Variants in DNAAF9 observed in about 807,000 individuals in gnomAD.
DNAAF9 encodes shulin.
DNAAF9 carries 90 observed loss-of-function variants against 167.0 expected under a neutral mutation model. The ratio of observed to expected loss-of-function variants is 0.54; its 90% CI spans 0.45 to 0.64. The LOEUF is 0.64. Ranked by LOEUF, DNAAF9 falls within the 30% of genes least tolerant of loss-of-function variation. The pLI is 0.00. For synonymous variants in DNAAF9, 491 were observed against 508.8 expected, an observed-to-expected ratio of 0.96 and a Z score of 0.47; for missense variants, 1,315 against 1,442.2, an observed-to-expected ratio of 0.91 and a Z score of 1.43.
At chr20:3,357,758 G>A (rs534414520) in intron 7 of DNAAF9, among the ~76,000 whole-genome samples, 30 of 151,884 alleles carry the variant, frequency 2.0e-4, no homozygotes, top group African/African-American at 6.3e-4. Context: ...GAGCGCAATG[G>A]TACAATCTCG....
At chr20:3,312,576 C>G (rs2123021920) in intron 20 of DNAAF9, among the ~76,000 whole-genome samples, 1 of 152,238 alleles carries the variant, frequency 6.6e-6, no homozygotes, top group Non-Finnish European at 1.5e-5. Flanking sequence ...AGATAAATTT[C>G]AAACTCATCA....
chr20:3,322,147 C>T, intron 16 of DNAAF9, 70 bp downstream of exon 16: 3 of 1,175,638 alleles, frequency 2.6e-6, no homozygotes, highest in Non-Finnish European at 1.3e-6. Flanking sequence ...CACCCACTCC[C>T]ACCTCCCAAC....
intron 25 of DNAAF9, among the ~76,000 whole-genome samples, chr20:3,293,670 A>C (rs76983415): frequency 1.0e-5 from 1 of 97,338 alleles, no homozygotes; most frequent in African/African-American, 4.6e-5. Context: ...GGGTGACAAA[A>C]AAAAAAAAAA....
chr20:3,280,273 T>C (rs149510834), intron 28 of DNAAF9, among the ~76,000 whole-genome samples: 6 of 152,248 alleles, frequency 3.9e-5, no homozygotes, highest in Middle Eastern at 3.4e-3. Flanking sequence ...TTACTTACTT[T>C]AAAGTTTTAC....
At chr20:3,296,213 G>A (rs2069074437) in intron 23 of DNAAF9, 2 of 529,884 alleles carry the variant, frequency 3.8e-6, no homozygotes, top group Non-Finnish European at 7.4e-6. Context: ...AGGCTGCAGT[G>A]AGCCAGGACC....
At chr20:3,252,753 C>T (rs867854636) in intron 36 of DNAAF9, 69 bp from the exon 37 acceptor site, 24 of 934,226 alleles carry the variant, frequency 2.6e-5, no homozygotes, top group South Asian at 1.4e-4. Context: ...CCCAGAGCGG[C>T]CTGTAGGCAG....
intron 33 of DNAAF9, among the ~76,000 whole-genome samples, chr20:3,258,215 A>G (rs1431407355): frequency 6.6e-6 from 1 of 152,046 alleles, no homozygotes; most frequent in Non-Finnish European, 1.5e-5. Flanking sequence ...GTGAGAGGGA[A>G]AAACAAAAGT....
Position 3,294,135 on chromosome 20 carries a change from C to G in DNAAF9, c.2238+4G>C, listed in dbSNP as rs1568584521. Reference sequence around the variant, plus strand: ...TTCCCAGCATATCTGGTGAGCTCCTCTACCTTGTCACTTTCTATTCTGTGA... The same window carrying G: ...TTCCCAGCATATCTGGTGAGCTCCTGTACCTTGTCACTTTCTATTCTGTGA... On this transcript the variant is annotated splice_donor_region_variant and intron_variant, in intron 25 of 36. Transcript: ENST00000252032. The G allele has an allele frequency of 6.6e-7, 1 of 1,513,436 alleles. No individual in the cohort carries two copies. The highest frequency in any genetic ancestry group is 2.2e-5 in the East Asian group (1 of 44,458). The allele number at this position is 1,513,436 out of a possible 1,614,324, so 93.8% of individuals were successfully genotyped here. A position where few individuals can be genotyped will look rare whatever the true frequency, so the allele number is the denominator to read the frequency against.
intron 29 of DNAAF9, among the ~76,000 whole-genome samples, chr20:3,273,140 T>C (rs1030839765): frequency 3.3e-5 from 5 of 152,270 alleles, no homozygotes; most frequent in Admixed American, 6.5e-5. Context: ...GAGAGTAGGT[T>C]TATAAATGAA....
intron 27 of DNAAF9, among the ~76,000 whole-genome samples, chr20:3,283,450 C>T (rs914512682): frequency 6.6e-6 from 1 of 152,262 alleles, no homozygotes; most frequent in South Asian, 2.1e-4. Context: ...AGAGTTCCCC[C>T]AGGGGGGCCT....
chr20:3,364,971 C>A lies in DNAAF9; in HGVS notation c.613-5378G>T, dbSNP rs6037577. Among the ~76,000 whole-genome samples the A allele has an allele frequency of 2.1e-5, 3 of 145,460 alleles. No individual in the cohort carries two copies. The South Asian group carries it at 6.6e-4, about 32-fold the overall frequency. ...TCTTTTTTTTTTTTTTGAAATAGAGCCTCCTTCTGTCACCCAGGCTGGAGT... is the reference window on the plus strand; with the variant it reads ...TCTTTTTTTTTTTTTTGAAATAGAGACTCCTTCTGTCACCCAGGCTGGAGT... On this transcript the variant is annotated intron_variant, in intron 6 of 36. Transcript: ENST00000252032.
At chr20:3,290,037 C>T in intron 26 of DNAAF9, 92 bp downstream of exon 26, 1 of 789,738 alleles carries the variant, frequency 1.3e-6, no homozygotes, top group Non-Finnish European at 2.3e-6. Context: ...ACCAGTCCCA[C>T]CAAGGCCAGT....
intron 6 of DNAAF9, among the ~76,000 whole-genome samples, chr20:3,366,144 G>C (rs533443230): frequency 4.6e-5 from 7 of 152,140 alleles, no homozygotes; most frequent in African/African-American, 1.7e-4. Context: ...ATCTTTTTGA[G>C]AAGGCTTTCA....
chr20:3,277,092 T>C (rs1261181546), intron 29 of DNAAF9, among the ~76,000 whole-genome samples: 2 of 152,068 alleles, frequency 1.3e-5, no homozygotes, highest in African/African-American at 4.8e-5. Context: ...CATCTTCCTT[T>C]TTACAGCCCC....
At chr20:3,378,983 C>T (rs1288566079) in intron 3 of DNAAF9, among the ~76,000 whole-genome samples, 1 of 151,594 alleles carries the variant, frequency 6.6e-6, no homozygotes, top group Non-Finnish European at 1.5e-5. Context: ...AATGGAGGCC[C>T]CTCTCATCTC....
chr20:3,310,311 AG>A (rs1423879395), intron 20 of DNAAF9, among the ~76,000 whole-genome samples: 1 of 126,978 alleles, frequency 7.9e-6, no homozygotes, highest in Non-Finnish European at 1.7e-5. Flanking sequence ...AGAAAAGGAA[AG>A]AAAGAAAGGA....
intron 14 of DNAAF9, 90 bp downstream of exon 14, chr20:3,324,802 G>A (rs1600786558): frequency 1.4e-6 from 1 of 719,878 alleles, no homozygotes; most frequent in South Asian, 1.7e-5. Context: ...ATTTCTCAAA[G>A]GGGAGATGAA....
chr20:3,402,030 T>C (rs1048225091), intron 1 of DNAAF9, among the ~76,000 whole-genome samples: 1 of 152,188 alleles, frequency 6.6e-6, no homozygotes, highest in Non-Finnish European at 1.5e-5. Flanking sequence ...TTTGAGAACT[T>C]ACATGTGTGA....
intron 21 of DNAAF9, among the ~76,000 whole-genome samples, chr20:3,298,822 T>C (rs2122959613): frequency 6.6e-6 from 1 of 152,268 alleles, no homozygotes; most frequent in East Asian, 1.9e-4. Context: ...GTGCTTTTGG[T>C]ATCACATTCA....
Sources: allele counts gnomAD v4.1 joint callset (sites outside exome capture counted in the v4.1 genomes callset), GRCh38; gene constraint gnomAD v4.1.1; transcripts MANE v1.5; gene names NCBI Gene and HGNC (gene_info 2026-07-23, HGNC 2026-07-21).